Variants in HEPHL1 observed in about 807,000 individuals in gnomAD.
HEPHL1 encodes the protein ferroxidase HEPHL1.
A neutral mutation model predicts 122.0 loss-of-function variants in HEPHL1; 123 were observed. That is an observed-to-expected ratio of 1.01 (90% CI 0.87 to 1.17). The LOEUF (loss-of-function observed/expected upper bound fraction) is 1.17. HEPHL1 is among the 50% of genes most tolerant of loss of function. The pLI is 0.00. For synonymous variants in HEPHL1, 527 were observed against 508.9 expected, an observed-to-expected ratio of 1.04 and a Z score of -0.48; for missense variants, 1,452 against 1,430.5, an observed-to-expected ratio of 1.01 and a Z score of -0.24.
intron 1 of HEPHL1, among the ~76,000 whole-genome samples, chr11:94,037,883 G>C (rs926068183): frequency 6.6e-6 from 1 of 151,878 alleles, no homozygotes; most frequent in Non-Finnish European, 1.5e-5. Context: ...TGATTTTGCC[G>C]AGCTGACAGA....
chr11:94,086,062 C>T lies in HEPHL1; in HGVS notation c.1953C>T (p.Gly651=). Residue 651 remains glycine, a synonymous_variant, in exon 11 of 20, where the codon GGC becomes GGT. Coordinates refer to ENST00000315765, the MANE Select transcript of HEPHL1 (RefSeq NM_001098672.2). ...TTTCCTGGCATCTGATTGGATTGGG[C>T]ACTGACACTGACATGCATGGAATTG... ...DRVSWHLIGL[G]TDTDMHGIVF... 1 of 1,613,750 alleles carries T rather than the reference C, an allele frequency of 6.2e-7. No individual in the cohort carries two copies. The highest frequency in any genetic ancestry group is 8.5e-7 in the Non-Finnish European group (1 of 1,179,734).
chr11:94,072,960 T>A, intron 6 of HEPHL1, 65 bp from the exon 7 acceptor site: 1 of 1,475,234 alleles, frequency 6.8e-7, no homozygotes, highest in Non-Finnish European at 9.4e-7. Context: ...AATGAAGTTC[T>A]ATAATTAAAG....
At chr11:94,093,675 C>T in intron 13 of HEPHL1, 35 bp downstream of exon 13, 2 of 1,600,234 alleles carry the variant, frequency 1.2e-6, no homozygotes, top group Non-Finnish European at 1.7e-6. Flanking sequence ...ACTGTCAGCC[C>T]CAAGCATGTG....
intron 1 of HEPHL1, among the ~76,000 whole-genome samples, chr11:94,022,896 G>A (rs1945593545): frequency 6.6e-6 from 1 of 152,222 alleles, no homozygotes; most frequent in South Asian, 2.1e-4. Context: ...AATGTTGAAA[G>A]TGTGTACACT....
At position 94,088,746 on chromosome 11, in the gene HEPHL1, C is replaced by T. The variant is rs1946238423; in HGVS notation, c.2081-9C>T. On this transcript the variant is annotated splice_polypyrimidine_tract_variant and intron_variant, in intron 11 of 19. Transcript: ENST00000315765. ...CACCACACTCAATGCCGAGCCATTTCTCTTGCAGGTATTTTTAGGGTGTTT... is the reference window on the plus strand; with the variant it reads ...CACCACACTCAATGCCGAGCCATTTTTCTTGCAGGTATTTTTAGGGTGTTT... 6.2e-7 allele frequency: 1 copy of T among 1,608,578 alleles called. No homozygotes were observed. Among genetic ancestry groups the T allele is most frequent in the African/African-American group, 1.3e-5 (1 of 74,818 alleles).
intron 12 of HEPHL1, among the ~76,000 whole-genome samples, chr11:94,090,016 T>C (rs1426286899): frequency 2.0e-5 from 3 of 152,154 alleles, no homozygotes; most frequent in African/African-American, 7.2e-5. Context: ...TGTTCCTATC[T>C]TAACACAAGT....
At chr11:94,083,675 C>T (rs192198626) in intron 10 of HEPHL1, among the ~76,000 whole-genome samples, 333 of 152,316 alleles carry the variant, frequency 2.2e-3, no homozygotes, top group Admixed American at 8.0e-3. Flanking sequence ...GTTACAAGTG[C>T]CCCATGGCAA....
Position 94,111,469 on chromosome 11 carries a change from T to C in HEPHL1, c.3209-68T>C, listed in dbSNP as rs182612538. ...ATAAGTCCTCGCTGGTGAAATGAAA[T>C]GACTAGTGTCATGAAAAGAATCCCC... On this transcript the variant is annotated intron_variant, in intron 18 of 19. Transcript: ENST00000315765. The C allele has an allele frequency of 8.9e-5, 108 of 1,217,376 alleles. 1 individual carries two copies. In the East Asian group the frequency reaches 2.7e-3, roughly 31 times the overall value. The allele number at this position is 1,217,376 out of a possible 1,614,324, so 75.4% of individuals were successfully genotyped here.
intron 4 of HEPHL1, among the ~76,000 whole-genome samples, chr11:94,065,335 A>G (rs1215256030): frequency 2.0e-5 from 3 of 152,324 alleles, no homozygotes; most frequent in East Asian, 1.9e-4. Flanking sequence ...AGATCATCTA[A>G]CGTCTCCATT....
intron 2 of HEPHL1, among the ~76,000 whole-genome samples, chr11:94,063,059 C>T (rs1024019173): frequency 7.2e-6 from 1 of 139,298 alleles, no homozygotes; most frequent in Non-Finnish European, 1.6e-5. Flanking sequence ...TCTTACACTT[C>T]CTTCCTATCT....
chr11:94,094,827 C>T (rs1946296898), intron 13 of HEPHL1, among the ~76,000 whole-genome samples: 1 of 152,200 alleles, frequency 6.6e-6, no homozygotes, highest in Non-Finnish European at 1.5e-5. Context: ...ATATCCTTCA[C>T]CCACTTGTTG....
At chr11:94,048,765 A>T (rs954766602) in intron 2 of HEPHL1, among the ~76,000 whole-genome samples, 3 of 129,854 alleles carry the variant, frequency 2.3e-5, no homozygotes, top group African/African-American at 7.4e-5. Context: ...TACCCAGGAA[A>T]CCTTCTCTCT....
chr11:94,056,009 A>C lies in HEPHL1; in HGVS notation c.416-7499A>C, dbSNP rs527650856. On this transcript the variant is annotated intron_variant, in intron 2 of 19. Transcript: ENST00000315765. ...CTGGACCCTTTCGCAGCCAGCTTCC[A>C]TTCTCTGTTCTTTAAATTAAGTCAG... is the stretch of plus-strand genomic sequence containing the variant. The C allele has an allele frequency of 9.3e-5, 71 of 763,588 alleles. 1 individual carries two copies. In the African/African-American group the frequency reaches 1.2e-3, roughly 13 times the overall value. 47.3% of individuals were successfully genotyped at this position (763,588 alleles called of 1,614,324 possible). A position where few individuals can be genotyped will look rare whatever the true frequency, so the allele number is the denominator to read the frequency against.
intron 12 of HEPHL1, 65 bp downstream of exon 12, chr11:94,089,033 AGT>A: frequency 7.1e-7 from 1 of 1,406,248 alleles, no homozygotes; most frequent in Non-Finnish European, 1.0e-6. Flanking sequence ...GTCTTTAGTA[AGT>A]GTGGCTCCCT....
chr11:94,047,348 C>G (rs1184414978), intron 2 of HEPHL1, among the ~76,000 whole-genome samples: 1 of 152,126 alleles, frequency 6.6e-6, no homozygotes, highest in African/African-American at 2.4e-5. Context: ...TCCTGATCCT[C>G]TCCCTCCTCC....
In HEPHL1 at chr11:94,086,819, C is replaced by A. The variant is rs189718171; in HGVS notation, c.2080+630C>A. ...TAATTGGGGCGTTTTCATAAAAGAT[C>A]TAGAGCAACACGTGGTAGCACATGC... On this transcript the variant is annotated intron_variant, in intron 11 of 19. Coordinates refer to ENST00000315765, the MANE Select transcript of HEPHL1 (RefSeq NM_001098672.2). 2.0e-5 allele frequency among the ~76,000 whole-genome samples: 3 copies of A among 152,344 alleles called. No individual in the cohort carries two copies. In the East Asian group the frequency reaches 5.8e-4, roughly 29 times the overall value.
intron 9 of HEPHL1, among the ~76,000 whole-genome samples, chr11:94,076,397 C>T (rs1339061063): frequency 6.6e-6 from 1 of 152,094 alleles, no homozygotes. Context: ...CAACTTTGTC[C>T]TTTTCCAATG....
At chr11:94,046,091 C>CTTTTTTTTTTTTTTT (rs755367459) in intron 2 of HEPHL1, among the ~76,000 whole-genome samples, 174 bp downstream of exon 2, 1,316 of 65,052 alleles carry the variant, frequency 0.02, 289 homozygotes, top group Admixed American at 0.029. Flanking sequence ...CCCTTTCTTG[C>CTTTTTTTTTTTTTTT]TTTTTTTTTT....
chr11:94,029,789 G>A (rs116222021), intron 1 of HEPHL1, among the ~76,000 whole-genome samples: 3,615 of 152,274 alleles, frequency 0.024, 147 homozygotes, highest in African/African-American at 0.083. Context: ...CATACCATAA[G>A]TGCTCCAGTC....
Sources: allele counts gnomAD v4.1 joint callset (sites outside exome capture counted in the v4.1 genomes callset), GRCh38; gene constraint gnomAD v4.1.1; transcripts MANE v1.5; gene names NCBI Gene and HGNC (gene_info 2026-07-23, HGNC 2026-07-21).